DNAL1: variants seen among roughly 807,000 people sequenced by gnomAD.
The protein encoded by DNAL1 is chromosome 14 open reading frame 168.
In DNAL1, 17 loss-of-function variants were observed where a neutral mutation model predicts 29.4. The observed-to-expected ratio is 0.58, with a 90% confidence interval of 0.40 to 0.87. The LOEUF (loss-of-function observed/expected upper bound fraction) is 0.87. DNAL1 is among the 40% of genes least tolerant of loss of function. The pLI is 0.00. For synonymous variants in DNAL1, 78 were observed against 76.3 expected, an observed-to-expected ratio of 1.02 and a Z score of -0.12; for missense variants, 188 against 214.1, an observed-to-expected ratio of 0.88 and a Z score of 0.76.
At chr14:73,666,544 G>A (rs78958544) in intron 4 of DNAL1, among the ~76,000 whole-genome samples, 1 of 152,030 alleles carries the variant, frequency 6.6e-6, no homozygotes, top group Non-Finnish European at 1.5e-5. Flanking sequence ...CCCTACTTAT[G>A]CAGCACATAA....
intron 1 of DNAL1, among the ~76,000 whole-genome samples, chr14:73,646,186 C>G (rs1890973140): frequency 6.6e-6 from 1 of 152,138 alleles, no homozygotes; most frequent in South Asian, 2.1e-4. Context: ...AAGGCTCAGA[C>G]CTAAATATTT....
chr14:73,649,559 G>A (rs1448292187), intron 1 of DNAL1, among the ~76,000 whole-genome samples: 1 of 152,100 alleles, frequency 6.6e-6, no homozygotes, highest in African/African-American at 2.4e-5. Flanking sequence ...TGGGATTACA[G>A]GTGTGAGCCA....
chr14:73,702,207 C>T lies in DNAL1; in HGVS notation c.*6265C>T, dbSNP rs949858055. The T allele has an allele frequency of 4.6e-5, 7 of 152,200 alleles. No individual in the cohort carries two copies. The highest frequency in any genetic ancestry group is 1.7e-4 in the African/African-American group (7 of 41,420). 9.4% of individuals were successfully genotyped at this position (152,200 alleles called of 1,614,324 possible). A position where few individuals can be genotyped will look rare whatever the true frequency, so the allele number is the denominator to read the frequency against. On this transcript the variant is annotated 3_prime_UTR_variant, in exon 8 of 8. Transcript: ENST00000553645. ...CCAGGCTGGAGTGCACTGGCACAAT[C>T]TCGGCTTACTGCAACCTCCACCTCC...
At chr14:73,683,456 G>A (rs1251223726) in intron 5 of DNAL1, among the ~76,000 whole-genome samples, 1 of 152,002 alleles carries the variant, frequency 6.6e-6, no homozygotes, top group South Asian at 2.1e-4. Flanking sequence ...GACCACCATT[G>A]TATATAGAGT....
intron 4 of DNAL1, among the ~76,000 whole-genome samples, chr14:73,668,242 T>TATC (rs78096281): frequency 0.12 from 18,152 of 152,224 alleles, 2,157 homozygotes; most frequent in East Asian, 0.63. Flanking sequence ...TTATTTTGTT[T>TATC]ATCTGCCAAA....
intron 4 of DNAL1, among the ~76,000 whole-genome samples, chr14:73,662,746 C>T (rs1294857607): frequency 1.3e-5 from 2 of 151,826 alleles, no homozygotes; most frequent in Non-Finnish European, 2.9e-5. Flanking sequence ...CATTAGGGCA[C>T]ACCCTGATCT....
At chr14:73,645,178 CAG>C (rs1243559019) in intron 1 of DNAL1, 136 bp downstream of exon 1, 1 of 1,491,770 alleles carries the variant, frequency 6.7e-7, no homozygotes, top group Non-Finnish European at 9.1e-7. Context: ...TCTGTGGAGT[CAG>C]GGGCCCGAGG....
chr14:73,693,170 GACGGACAATACCAA>G (rs1892217401), intron 7 of DNAL1, among the ~76,000 whole-genome samples: 1 of 152,150 alleles, frequency 6.6e-6, no homozygotes, highest in African/African-American at 2.4e-5. Flanking sequence ...AAATAAAAAA[GACGGACAATACCAA>G]ATGCTAGTGA....
rs74248153 is a variant in DNAL1, at chr14:73,649,605, A to G, written c.3+4563A>G. ...GCTGTTTGAGATTTCTAAAGGGAATATATTTAATGTTACCTTCCTAGTTAG... is the reference window on the plus strand; with the variant it reads ...GCTGTTTGAGATTTCTAAAGGGAATGTATTTAATGTTACCTTCCTAGTTAG... On this transcript the variant is annotated intron_variant, in intron 1 of 7. Coordinates refer to ENST00000553645, the MANE Select transcript of DNAL1 (RefSeq NM_031427.4). Among the ~76,000 whole-genome samples the G allele has an allele frequency of 3.7e-4, 56 of 152,288 alleles. No homozygotes were observed. In the East Asian group the frequency reaches 9.8e-3, roughly 27 times the overall value.
At chr14:73,681,626 AAAAAAAAATAT>A (rs1891885199) in intron 5 of DNAL1, among the ~76,000 whole-genome samples, 2 of 51,204 alleles carry the variant, frequency 3.9e-5, no homozygotes, top group South Asian at 4.8e-4. Context: ...AAAAAAAAAA[AAAAAAAAATAT>A]ATATATATAT....
intron 5 of DNAL1, among the ~76,000 whole-genome samples, chr14:73,677,565 T>TAA (rs1566887236): frequency 6.7e-6 from 1 of 148,824 alleles, no homozygotes; most frequent in Non-Finnish European, 1.5e-5. Flanking sequence ...TTTATTTATT[T>TAA]ATTTTTTTTG....
intron 1 of DNAL1, among the ~76,000 whole-genome samples, chr14:73,649,880 A>G (rs1021402428): frequency 6.6e-6 from 1 of 152,210 alleles, no homozygotes; most frequent in Non-Finnish European, 1.5e-5. Flanking sequence ...ATTTGCATAT[A>G]ACTTACACAC....
chr14:73,682,945 C>T lies in DNAL1; in HGVS notation c.265-4314C>T, dbSNP rs1891927674. On this transcript the variant is annotated intron_variant, in intron 5 of 7. Transcript: ENST00000553645. ...AGGCCAGAGTGCAATGGCACAATCTCGGCTCACCGCAACCTCCACCTCCTG... is the reference window on the plus strand; with the variant it reads ...AGGCCAGAGTGCAATGGCACAATCTTGGCTCACCGCAACCTCCACCTCCTG... Among the ~76,000 whole-genome samples the T allele has an allele frequency of 3.4e-5, 5 of 147,210 alleles. No homozygotes were observed. The South Asian group carries it at 6.3e-4, about 19-fold the overall frequency.
At chr14:73,677,884 T>TATTTGTGTGTGTGTG (rs1555402397) in intron 5 of DNAL1, among the ~76,000 whole-genome samples, 32 of 96,126 alleles carry the variant, frequency 3.3e-4, no homozygotes, top group Non-Finnish European at 5.5e-4. Flanking sequence ...ATATATATAT[T>TATTTGTGTGTGTGTG]TGTGTGTGTG....
At chr14:73,680,848 C>G (rs1891858916) in intron 5 of DNAL1, among the ~76,000 whole-genome samples, 1 of 152,154 alleles carries the variant, frequency 6.6e-6, no homozygotes, top group Non-Finnish European at 1.5e-5. Flanking sequence ...AGGCGACAAA[C>G]CTGCTCAGCA....
At chr14:73,677,883 T>TATATA (rs1478185673) in intron 5 of DNAL1, among the ~76,000 whole-genome samples, 21 of 125,362 alleles carry the variant, frequency 1.7e-4, no homozygotes, top group African/African-American at 5.5e-4. Flanking sequence ...TATATATATA[T>TATATA]TTGTGTGTGT....
intron 5 of DNAL1, among the ~76,000 whole-genome samples, chr14:73,677,800 G>A (rs968185679): frequency 1.1e-4 from 16 of 150,332 alleles, no homozygotes; most frequent in African/African-American, 3.4e-4. Flanking sequence ...CTCGTGATCC[G>A]CCCACCTTGG....
At chr14:73,673,744 T>C (rs1432826298) in intron 5 of DNAL1, among the ~76,000 whole-genome samples, 2 of 151,662 alleles carry the variant, frequency 1.3e-5, no homozygotes, top group Non-Finnish European at 2.9e-5. Flanking sequence ...TAAAAAGAAA[T>C]TAGCCAGGCA....
chr14:73,689,592 A>G, intron 7 of DNAL1, 77 bp downstream of exon 7: 1 of 1,543,770 alleles, frequency 6.5e-7, no homozygotes, highest in South Asian at 1.2e-5. Context: ...CATGAAGAGG[A>G]GAAAAACTAA....
Sources: allele counts gnomAD v4.1 joint callset (sites outside exome capture counted in the v4.1 genomes callset), GRCh38; gene constraint gnomAD v4.1.1; transcripts MANE v1.5; gene names NCBI Gene and HGNC (gene_info 2026-07-23, HGNC 2026-07-21).